Variants in SNAP25 observed in about 807,000 individuals in gnomAD.
SNAP25 encodes the protein synaptosome associated protein 25.
Under a neutral mutation model 28.7 loss-of-function variants are expected in SNAP25, and 3 were observed. The observed-to-expected ratio is 0.10, with a 90% CI of 0.05 to 0.27. The LOEUF is 0.27. Among genes scored for constraint, SNAP25 ranks in the 10% least tolerant of loss-of-function variants. The probability of loss-of-function intolerance (pLI) is 1.00; values close to 1 mark genes in which losing one functional copy is unlikely to be tolerated. For synonymous variants in SNAP25, 61 were observed against 88.1 expected (o/e 0.69, Z 1.72); for missense variants, 117 against 278.7 (o/e 0.42, Z 4.13).
intron 1 of SNAP25, among the ~76,000 whole-genome samples, chr20:10,234,070 A>C (rs1447141399): frequency 6.6e-6 from 1 of 152,204 alleles, no homozygotes. Flanking sequence ...CATGTCCTAC[A>C]TAGATAGACT....
At position 10,306,262 on chromosome 20, in the gene SNAP25, T is replaced by C. The variant is rs2064358265; in HGVS notation, c.*65T>C. 4.1e-6 allele frequency: 6 copies of C among 1,471,428 alleles called. No individual in the cohort carries two copies. The East Asian group carries it at 1.4e-4, about 33-fold the overall frequency. 91.1% of individuals were successfully genotyped at this position (1,471,428 alleles called of 1,614,324 possible). Reference sequence around the variant, plus strand: ...AGATAGCTCCTTCATGCTTTTCTCATGGTATTATCTAGTAGGTCTGCACAC... The same window carrying C: ...AGATAGCTCCTTCATGCTTTTCTCACGGTATTATCTAGTAGGTCTGCACAC... On this transcript the variant is annotated 3_prime_UTR_variant, in exon 8 of 8. Coordinates refer to ENST00000254976, the MANE Select transcript of SNAP25 (RefSeq NM_130811.4).
chr20:10,260,699 ACACAC>A (rs2063396283), intron 1 of SNAP25, among the ~76,000 whole-genome samples: 1 of 42,232 alleles, frequency 2.4e-5, no homozygotes, highest in Non-Finnish European at 4.7e-5. Flanking sequence ...ACACACACAC[ACACAC>A]ACACACACAC....
At chr20:10,290,136 C>T (rs1040798066) in intron 4 of SNAP25, among the ~76,000 whole-genome samples, 1 of 152,166 alleles carries the variant, frequency 6.6e-6, no homozygotes, top group Non-Finnish European at 1.5e-5. Context: ...GAATGAGATG[C>T]TTATAAGCAT....
chr20:10,276,211 A>C (rs1267094210), intron 2 of SNAP25, among the ~76,000 whole-genome samples: 2 of 152,114 alleles, frequency 1.3e-5, no homozygotes, highest in African/African-American at 4.8e-5. Flanking sequence ...GCTACTTGGG[A>C]GGCTGAGGCA....
chr20:10,301,912 T>C (rs1019727500), intron 7 of SNAP25, among the ~76,000 whole-genome samples: 2 of 147,490 alleles, frequency 1.4e-5, no homozygotes, highest in Non-Finnish European at 3.0e-5. Context: ...GGTTATTATA[T>C]ATATATAAAA....
intron 1 of SNAP25, among the ~76,000 whole-genome samples, chr20:10,261,818 G>C (rs995081022): frequency 1.3e-5 from 2 of 152,128 alleles, no homozygotes; most frequent in African/African-American, 4.8e-5. Context: ...AGGATAATGA[G>C]TTCAGGATAT....
intron 6 of SNAP25, among the ~76,000 whole-genome samples, chr20:10,297,945 T>G (rs1420628858): frequency 6.6e-6 from 1 of 152,074 alleles, no homozygotes; most frequent in Non-Finnish European, 1.5e-5. Flanking sequence ...TAAATATCTA[T>G]TTTTAAAAGT....
chr20:10,246,253 G>A (rs1268919148), intron 1 of SNAP25, among the ~76,000 whole-genome samples: 2 of 152,160 alleles, frequency 1.3e-5, no homozygotes, highest in Non-Finnish European at 2.9e-5. Flanking sequence ...GGGTGTATGC[G>A]TGTGTGTGTG....
At chr20:10,236,422 T>G (rs2062922034) in intron 1 of SNAP25, among the ~76,000 whole-genome samples, 1 of 152,050 alleles carries the variant, frequency 6.6e-6, no homozygotes, top group Non-Finnish European at 1.5e-5. Context: ...GATCAGCATC[T>G]TATTGTTTTA....
In SNAP25 at chr20:10,293,429, A is replaced by G; in HGVS notation, c.281+151A>G. On this transcript the variant is annotated intron_variant, in intron 5 of 7. Transcript: ENST00000254976. The surrounding 1 kb of genome is among the most constrained non-coding windows in gnomAD (Gnocchi z 5.6). The stretch of plus-strand genomic sequence containing the variant: ...CTCCAATGCATTCATCTCATAGCAT[A>G]GATGATATTAGCAGGAGTTACTGTT... The G allele has an allele frequency of 1.6e-6, 1 of 615,544 alleles. No individual in the cohort carries two copies. The highest frequency in any genetic ancestry group is 2.9e-6 in the Non-Finnish European group (1 of 343,850). 38.1% of individuals were successfully genotyped at this position (615,544 alleles called of 1,614,324 possible).
At chr20:10,228,553 G>A (rs1169171352) in intron 1 of SNAP25, among the ~76,000 whole-genome samples, 1 of 152,200 alleles carries the variant, frequency 6.6e-6, no homozygotes, top group Non-Finnish European at 1.5e-5. Flanking sequence ...AGCAATGGGT[G>A]GAGAGTCAGC....
At chr20:10,271,834 A>C (rs2063598887) in intron 1 of SNAP25, among the ~76,000 whole-genome samples, 1 of 152,350 alleles carries the variant, frequency 6.6e-6, no homozygotes, top group East Asian at 1.9e-4. Context: ...GTCTGAAAGC[A>C]CATGGACCCC....
At position 10,306,363 on chromosome 20, in the gene SNAP25, C is replaced by G; in HGVS notation, c.*166C>G. 1.7e-6 allele frequency: 1 copy of G among 595,594 alleles called. No individual in the cohort carries two copies. Among genetic ancestry groups the G allele is most frequent in the Admixed American group, 2.8e-5 (1 of 36,126 alleles). The allele number at this position is 595,594 out of a possible 1,614,324, so 36.9% of individuals were successfully genotyped here. A position where few individuals can be genotyped will look rare whatever the true frequency, so the allele number is the denominator to read the frequency against. ...TCAGCTTCCCAACAATACTTTGTGTCTTTTGTTCTCTCTTGGTCTCTTTCT... is the reference window on the plus strand; with the variant it reads ...TCAGCTTCCCAACAATACTTTGTGTGTTTTGTTCTCTCTTGGTCTCTTTCT... On this transcript the variant is annotated 3_prime_UTR_variant, in exon 8 of 8. Transcript: ENST00000254976.
chr20:10,262,638 A>C (rs1600708696), intron 1 of SNAP25, among the ~76,000 whole-genome samples: 1 of 152,176 alleles, frequency 6.6e-6, no homozygotes, highest in East Asian at 1.9e-4. Context: ...TGGATTCCTC[A>C]GAAGCAGACC....
intron 1 of SNAP25, among the ~76,000 whole-genome samples, chr20:10,250,570 G>A (rs2063208679): frequency 6.6e-6 from 1 of 152,114 alleles, no homozygotes; most frequent in African/African-American, 2.4e-5. Flanking sequence ...GGATGCTAAC[G>A]CTTAATGGGC....
intron 7 of SNAP25, among the ~76,000 whole-genome samples, chr20:10,304,649 A>G (rs1280828641): frequency 6.6e-6 from 1 of 152,200 alleles, no homozygotes; most frequent in African/African-American, 2.4e-5. Context: ...ACATTAAGCA[A>G]TTCAACTTTT....
At chr20:10,238,045 T>C (rs1041594064) in intron 1 of SNAP25, among the ~76,000 whole-genome samples, 3 of 152,178 alleles carry the variant, frequency 2.0e-5, no homozygotes, top group Non-Finnish European at 2.9e-5. Context: ...GCTATCCCTC[T>C]TATCCTCCAG....
chr20:10,250,001 A>G (rs996245514), intron 1 of SNAP25, among the ~76,000 whole-genome samples: 26 of 152,118 alleles, frequency 1.7e-4, no homozygotes, highest in Non-Finnish European at 3.2e-4. Flanking sequence ...TCTAGGGTGG[A>G]GCTCATGAAT....
rs71332917 is a variant in SNAP25 at position 10,224,257 on chromosome 20, C to CTTTTTTTTTTTTTTTT, written c.-64+5300_-64+5315dup. Among the ~76,000 whole-genome samples the CTTTTTTTTTTTTTTTT allele has an allele frequency of 9.2e-4, 16 of 17,432 alleles. 6 individuals carry two copies. Among genetic ancestry groups the CTTTTTTTTTTTTTTTT allele is most frequent in the African/African-American group, 1.4e-3 (5 of 3,698 alleles). The allele number at this position is 17,432 out of a possible 152,430, so 11.4% of individuals were successfully genotyped here. A position where few individuals can be genotyped will look rare whatever the true frequency, so the allele number is the denominator to read the frequency against. On this transcript the variant is annotated intron_variant, in intron 1 of 7. Coordinates refer to ENST00000254976, the MANE Select transcript of SNAP25 (RefSeq NM_130811.4). ...AATAAGGCATAGAGAATGTACATGTCTTTTTTTTTTTTTTTTTTTTTTTTT... is the reference window on the plus strand; with the variant it reads ...AATAAGGCATAGAGAATGTACATGTCTTTTTTTTTTTTTTTTTTTTTTTTTTTTTTTTTTTTTTTTT...
Sources: allele counts gnomAD v4.1 joint callset (sites outside exome capture counted in the v4.1 genomes callset), GRCh38; gene constraint gnomAD v4.1.1; non-coding constraint Gnocchi (gnomAD v3.1); transcripts MANE v1.5; gene names NCBI Gene and HGNC (gene_info 2026-07-23, HGNC 2026-07-21).